RANBP2: variants seen among roughly 807,000 people sequenced by gnomAD.
RANBP2 encodes the protein E3 SUMO-protein ligase RanBP2.
In RANBP2, 57 loss-of-function variants were observed where a neutral mutation model predicts 303.6. The ratio of observed to expected loss-of-function variants is 0.19; its 90% CI spans 0.15 to 0.23. The LOEUF is 0.23. RANBP2 is among the 10% of genes least tolerant of loss of function. The pLI is 1.00. For missense variants in RANBP2, 3,138 were observed against 3,780.8 expected (o/e 0.83, Z 4.46); for synonymous variants, 1,167 against 1,301.5 (o/e 0.90, Z 2.23).
chr2:109,552,748 A>G, the RANBP2 span: 2 of 207,234 alleles, frequency 9.7e-6, no homozygotes, highest in Non-Finnish European at 1.9e-5. Flanking sequence ...TGAATGAGGC[A>G]CCTAAAAATT....
chr2:109,285,368 T>C, the RANBP2 span, among the ~76,000 whole-genome samples: 1 of 152,232 alleles, frequency 6.6e-6, no homozygotes, highest in South Asian at 2.1e-4. Context: ...TAGCATGCCT[T>C]TCCACGGCCA....
chr2:109,183,120 A>G, the RANBP2 span, among the ~76,000 whole-genome samples: 1 of 152,236 alleles, frequency 6.6e-6, no homozygotes, highest in East Asian at 1.9e-4. Flanking sequence ...TCTTTAGAAG[A>G]TTGTGTACAA....
chr2:108,974,910 C>G, the RANBP2 span, among the ~76,000 whole-genome samples: 1 of 152,158 alleles, frequency 6.6e-6, no homozygotes, highest in Non-Finnish European at 1.5e-5. Flanking sequence ...GGAGCTCTAG[C>G]CTTTCTGAGG....
chr2:108,849,626 C>T, the RANBP2 span, among the ~76,000 whole-genome samples: 1 of 152,094 alleles, frequency 6.6e-6, no homozygotes, highest in Non-Finnish European at 1.5e-5. Context: ...TAACAGATAC[C>T]CTTTAAAGCT....
intron 7 of RANBP2, among the ~76,000 whole-genome samples, chr2:108,742,215 C>T (rs1258198050): frequency 6.6e-6 from 1 of 152,120 alleles, no homozygotes. Flanking sequence ...AGGCTGATCT[C>T]GAACTCCTGA....
the RANBP2 span, among the ~76,000 whole-genome samples, chr2:109,307,778 A>T: frequency 1.4e-5 from 2 of 147,344 alleles, no homozygotes; most frequent in Non-Finnish European, 3.0e-5. Context: ...GCTGCATAGT[A>T]CTCCATGGTG....
chr2:109,614,062 CT>C, the RANBP2 span: 1 of 1,212,318 alleles, frequency 8.2e-7, no homozygotes, highest in Non-Finnish European at 1.0e-6. Context: ...AAGCGAGCCC[CT>C]CACAGGAGCT....
the RANBP2 span, among the ~76,000 whole-genome samples, chr2:108,879,877 T>G: frequency 6.6e-6 from 1 of 152,080 alleles, no homozygotes; most frequent in African/African-American, 2.4e-5. Flanking sequence ...TCAAATTTAT[T>G]GGAATAACAG....
At chr2:109,279,758 T>TA in the RANBP2 span, among the ~76,000 whole-genome samples, 101,625 of 152,072 alleles carry the variant, frequency 0.67, 34,198 homozygotes, top group East Asian at 0.9. Flanking sequence ...GACGCGAAAC[T>TA]TCGCAGACGC....
the RANBP2 span, among the ~76,000 whole-genome samples, chr2:109,700,326 A>C: frequency 6.6e-6 from 1 of 152,200 alleles, no homozygotes; most frequent in Non-Finnish European, 1.5e-5. Flanking sequence ...AGCCTCAGGA[A>C]GTCCTGATGA....
the RANBP2 span, among the ~76,000 whole-genome samples, chr2:109,537,537 G>A: frequency 6.6e-6 from 1 of 151,556 alleles, no homozygotes; most frequent in Non-Finnish European, 1.5e-5. Context: ...GAAATGAAAA[G>A]TCATACTGGT....
the RANBP2 span, among the ~76,000 whole-genome samples, chr2:109,121,528 G>T: frequency 2.0e-5 from 3 of 152,194 alleles, no homozygotes; most frequent in Non-Finnish European, 4.4e-5. Flanking sequence ...TTTGTCATAG[G>T]AATGGCAACA....
At chr2:109,430,618 C>T in the RANBP2 span, among the ~76,000 whole-genome samples, 1 of 152,176 alleles carries the variant, frequency 6.6e-6, no homozygotes, top group Non-Finnish European at 1.5e-5. Flanking sequence ...TACACAGGTA[C>T]GTGTTGGCTG....
chr2:108,890,227 G>C, the RANBP2 span, among the ~76,000 whole-genome samples: 1 of 103,956 alleles, frequency 9.6e-6, no homozygotes, highest in South Asian at 3.9e-4. Context: ...GGCTGATGGG[G>C]TTTTCTTTTT....
the RANBP2 span, among the ~76,000 whole-genome samples, chr2:109,140,422 C>T: frequency 6.6e-6 from 1 of 151,978 alleles, no homozygotes; most frequent in Non-Finnish European, 1.5e-5. Flanking sequence ...GCTCTGTCCC[C>T]TAGGCTGGAG....
chr2:109,526,214 A>T, the RANBP2 span, among the ~76,000 whole-genome samples: 3 of 152,172 alleles, frequency 2.0e-5, no homozygotes, highest in African/African-American at 7.2e-5. Flanking sequence ...TTCGAGGCAC[A>T]GGCTTCCTTT....
the RANBP2 span, among the ~76,000 whole-genome samples, chr2:109,237,090 A>G: frequency 1.3e-5 from 2 of 152,242 alleles, no homozygotes; most frequent in African/African-American, 4.8e-5. Flanking sequence ...AGAAATAAAC[A>G]AGAATGTCAG....
the RANBP2 span, among the ~76,000 whole-genome samples, chr2:109,218,169 C>T: frequency 6.6e-6 from 1 of 151,596 alleles, no homozygotes. Flanking sequence ...AAAAAAAATC[C>T]TGCCTGGCCT....
chr2:108,765,218 C>G lies in RANBP2; in HGVS notation c.4679C>G (p.Ala1560Gly), dbSNP rs187279897. 9 of 1,614,108 alleles carry G rather than the reference C, an allele frequency of 5.6e-6. No homozygotes were observed. The East Asian group carries it at 2.0e-4, about 36-fold the overall frequency. ...SSCLVRNEAN[A>G]TRCVACQNPD... ...TGCTTAGTGCGAAATGAAGCAAATG[C>G]TACAAGATGTGTTGCTTGTCAGAAT... Residue 1560 changes from alanine to glycine, a missense_variant, in exon 20 of 29, where the codon GCT (alanine) becomes GGT (glycine). By Grantham distance (60) the Ala-to-Gly change is moderately conservative. Around this residue, in one of 20 missense-constraint regions of RANBP2, gnomAD observed 388 missense variants for 328.5 expected, o/e 1.18. Transcript: ENST00000283195.
Sources: allele counts gnomAD v4.1 joint callset (sites outside exome capture counted in the v4.1 genomes callset), GRCh38; gene constraint gnomAD v4.1.1; regional missense constraint gnomAD v4.1.1; transcripts MANE v1.5; gene names NCBI Gene and HGNC (gene_info 2026-07-23, HGNC 2026-07-21).